CTF1: variants seen among roughly 807,000 people sequenced by gnomAD.
CTF1 encodes cardiotrophin 1, also known as cardiotrophin-1.
In CTF1, 9 loss-of-function variants were observed where a neutral mutation model predicts 10.9. That is an observed-to-expected ratio of 0.83 (90% CI 0.50 to 1.44). CTF1 has a LOEUF of 1.44. Ranked by LOEUF, CTF1 falls within the 40% of genes most tolerant of loss-of-function variation. The pLI, the probability that CTF1 is intolerant of heterozygous loss-of-function variation, is 0.00. For missense variants in CTF1, 259 were observed against 275.3 expected (o/e 0.94, Z 0.42); for synonymous variants, 133 against 138.8 (o/e 0.96, Z 0.29).
At chr16:30,901,038 C>T (rs2055396724) in intron 2 of CTF1, among the ~76,000 whole-genome samples, 1 of 152,002 alleles carries the variant, frequency 6.6e-6, no homozygotes, top group Admixed American at 6.6e-5. Flanking sequence ...GGATTACAGT[C>T]ACCACCACCA....
chr16:30,899,646 G>T, intron 2 of CTF1, 113 bp downstream of exon 2: 1 of 691,170 alleles, frequency 1.4e-6, no homozygotes, highest in East Asian at 2.7e-5. Context: ...GGAAATCAGG[G>T]CTCCTGAGAG....
In CTF1 at chr16:30,902,575, G is replaced by C. The variant is rs1407024660; in HGVS notation, c.*36G>C. The C allele has an allele frequency of 6.7e-7, 1 of 1,487,220 alleles. No homozygotes were observed. Among genetic ancestry groups the C allele is most frequent in the East Asian group, 2.8e-5 (1 of 36,100 alleles). 92.1% of individuals were successfully genotyped at this position (1,487,220 alleles called of 1,614,324 possible). ...GCAGCTCGCCCCGCCTCCTCCCGCTGGGTTCCGTCTCTCCTTCCGCTTCTT... is the reference window on the plus strand; with the variant it reads ...GCAGCTCGCCCCGCCTCCTCCCGCTCGGTTCCGTCTCTCCTTCCGCTTCTT... On this transcript the variant is annotated 3_prime_UTR_variant, in exon 3 of 3. Transcript: ENST00000279804.
At position 30,902,430 on chromosome 16, in the gene CTF1, G is replaced by A; in HGVS notation, c.497G>A (p.Gly166Glu). ...AATASAASAT[G>E]VFPAKVLGLR... ...ACCGCCTCAGCCGCCTCCGCCACCGGGGTCTTCCCCGCCAAGGTGCTGGGG... is the reference window on the plus strand; with the variant it reads ...ACCGCCTCAGCCGCCTCCGCCACCGAGGTCTTCCCCGCCAAGGTGCTGGGG... Residue 166 changes from glycine to glutamate, a missense_variant, in exon 3 of 3, where the codon GGG becomes GAG. Coordinates refer to ENST00000279804, the MANE Select transcript of CTF1 (RefSeq NM_001330.5). 1.4e-6 allele frequency: 2 copies of A among 1,408,420 alleles called. No individual in the cohort carries two copies. Among genetic ancestry groups the A allele is most frequent in the South Asian group, 1.4e-5 (1 of 69,988 alleles). 87.2% of individuals were successfully genotyped at this position (1,408,420 alleles called of 1,614,324 possible).
rs886051923 is a variant in CTF1, at chr16:30,902,161, G to A, written c.228G>A (p.Pro76=). 1.3e-5 allele frequency: 17 copies of A among 1,314,156 alleles called. No individual in the cohort carries two copies. Among genetic ancestry groups the A allele is most frequent in the Middle Eastern group, 2.9e-4 (1 of 3,470 alleles). 81.4% of individuals were successfully genotyped at this position (1,314,156 alleles called of 1,614,324 possible). The change falls in exon 3 of 3, where the codon CCG becomes CCA. Residue 76 remains proline (P), a synonymous_variant. Coordinates refer to ENST00000279804, the MANE Select transcript of CTF1 (RefSeq NM_001330.5). ...TGGCCGGCCTGAGCGCCCCGGCTCCGAGCCACGCGGGGCTGCCAGTGCACG... is the reference window on the plus strand; with the variant it reads ...TGGCCGGCCTGAGCGCCCCGGCTCCAAGCCACGCGGGGCTGCCAGTGCACG... ...LPVAGLSAPA[P]SHAGLPVHER...
chr16:30,897,723 C>T (rs1329469563), intron 1 of CTF1, among the ~76,000 whole-genome samples: 10 of 152,076 alleles, frequency 6.6e-5, no homozygotes, highest in South Asian at 2.1e-4. Flanking sequence ...GGCATGGTGG[C>T]GCATGCCTGT....
intron 1 of CTF1, among the ~76,000 whole-genome samples, chr16:30,897,152 G>T (rs2055359902): frequency 6.6e-6 from 1 of 152,154 alleles, no homozygotes; most frequent in African/African-American, 2.4e-5. Context: ...ACCGGGTCAG[G>T]ACTACATTCC....
At position 30,902,694 on chromosome 16, in the gene CTF1, G is replaced by C; in HGVS notation, c.*155G>C. 1 of 1,165,700 alleles carries C rather than the reference G, an allele frequency of 8.6e-7. No individual in the cohort carries two copies. The allele number at this position is 1,165,700 out of a possible 1,614,324, so 72.2% of individuals were successfully genotyped here. A position where few individuals can be genotyped will look rare whatever the true frequency, so the allele number is the denominator to read the frequency against. Reference sequence around the variant, plus strand: ...TGCTTTTTGTGGGGGAGAGGGGAGGGGACGGGCAGGGTCTCTGTCGCCCAG... The same window carrying C: ...TGCTTTTTGTGGGGGAGAGGGGAGGCGACGGGCAGGGTCTCTGTCGCCCAG... On this transcript the variant is annotated 3_prime_UTR_variant, in exon 3 of 3. Coordinates refer to ENST00000279804, the MANE Select transcript of CTF1 (RefSeq NM_001330.5).
chr16:30,898,683 G>T (rs1392982884), intron 1 of CTF1, among the ~76,000 whole-genome samples: 2 of 151,514 alleles, frequency 1.3e-5, no homozygotes, highest in African/African-American at 4.9e-5. Flanking sequence ...TTAGAGATAG[G>T]GTCTTACTCT....
intron 1 of CTF1, among the ~76,000 whole-genome samples, chr16:30,898,143 G>A (rs1234762596): frequency 6.6e-6 from 1 of 150,934 alleles, no homozygotes; most frequent in Admixed American, 6.6e-5. Flanking sequence ...TTACAGGCGT[G>A]AGCCACTGCG....
intron 2 of CTF1, 35 bp downstream of exon 2, chr16:30,899,568 T>TG: frequency 1.9e-6 from 1 of 528,984 alleles, no homozygotes; most frequent in African/African-American, 2.2e-5. Flanking sequence ...GCCGGGGGCC[T>TG]GGGGAATGGG....
intron 2 of CTF1, 39 bp downstream of exon 2, chr16:30,899,572 G>A: frequency 3.6e-6 from 3 of 832,162 alleles, no homozygotes; most frequent in Non-Finnish European, 4.0e-6. Context: ...GGGGCCTGGG[G>A]AATGGGAGCA....
At chr16:30,901,469 T>C (rs1440304184) in intron 2 of CTF1, among the ~76,000 whole-genome samples, 1 of 152,172 alleles carries the variant, frequency 6.6e-6, no homozygotes, top group Non-Finnish European at 1.5e-5. Flanking sequence ...AAGGTAACTT[T>C]AATAAAAGAG....
chr16:30,899,596 T>C, intron 2 of CTF1, 63 bp downstream of exon 2: 1 of 961,260 alleles, frequency 1.0e-6, no homozygotes, highest in South Asian at 1.5e-5. Context: ...ATCACAGAGG[T>C]CCTCGATCAC....
At position 30,900,458 on chromosome 16, in the gene CTF1, A is replaced by G. The variant is rs531929881; in HGVS notation, c.144+925A>G. The stretch of plus-strand genomic sequence containing the variant: ...TTATGGCAGCGGATAGTGGGAGAAT[A>G]GTGGCATAATAGAACTAGCTTTGGG... On this transcript the variant is annotated intron_variant, in intron 2 of 2. Transcript: ENST00000279804. Among the ~76,000 whole-genome samples, 7 of 152,316 alleles carry G rather than the reference A, an allele frequency of 4.6e-5. No homozygotes were observed. In the East Asian group the frequency reaches 1.3e-3, roughly 29 times the overall value.
In CTF1 at chr16:30,902,227, C is replaced by T. The variant is rs2055407871; in HGVS notation, c.294C>T (p.Pro98=). 8.8e-5 allele frequency: 101 copies of T among 1,144,146 alleles called. No homozygotes were observed. Among genetic ancestry groups the T allele is most frequent in the Non-Finnish European group, 1.1e-4 (99 of 934,428 alleles). 70.9% of individuals were successfully genotyped at this position (1,144,146 alleles called of 1,614,324 possible). The stretch of plus-strand genomic sequence containing the variant: ...ACGCGGCGGCGCTGGCCGCGCTGCC[C>T]CCGCTGCTGGACGCAGTGTGTCGCC... The part of the protein sequence containing the change: ...RLDAAALAAL[P]PLLDAVCRRQ... The change falls in exon 3 of 3, where the codon CCC becomes CCT. Residue 98 remains proline, a synonymous_variant. Coordinates refer to ENST00000279804, the MANE Select transcript of CTF1 (RefSeq NM_001330.5).
At chr16:30,901,728 G>A (rs891266146) in intron 2 of CTF1, among the ~76,000 whole-genome samples, 3 of 144,616 alleles carry the variant, frequency 2.1e-5, no homozygotes, top group African/African-American at 7.6e-5. Context: ...ACAGACATGC[G>A]CCACCACACT....
chr16:30,899,426 A>T lies in CTF1; in HGVS notation c.37A>T (p.Thr13Ser). 1 of 1,612,036 alleles carries T rather than the reference A, an allele frequency of 6.2e-7. No homozygotes were observed. The highest frequency in any genetic ancestry group is 8.5e-7 in the Non-Finnish European group (1 of 1,178,188). ...RREGSLEDPQ[T>S]DSSVSLLPHL... ...CCCTTTCCCACCAGAAGACCCCCAG[A>T]CTGATTCCTCAGTCTCACTTCTTCC... Residue 13 changes from threonine to serine, a missense_variant, in exon 2 of 3, where the codon ACT becomes TCT. Thr to Ser is a moderately conservative substitution (Grantham distance 58). Coordinates refer to ENST00000279804, the MANE Select transcript of CTF1 (RefSeq NM_001330.5).
chr16:30,902,313 G>C lies in CTF1; in HGVS notation c.380G>C (p.Arg127Pro). ...CTGCGCCGCCTGGAGGACGCGGCGCGCCAGGCCCGGGCCCTGGGCGCCGCC... is the reference window on the plus strand; with the variant it reads ...CTGCGCCGCCTGGAGGACGCGGCGCCCCAGGCCCGGGCCCTGGGCGCCGCC... ...RLLRRLEDAA[R>P]QARALGAAVE... The change falls in exon 3 of 3, where the codon CGC (arginine) becomes CCC (proline). Residue 127 changes from arginine to proline, a missense_variant. Physicochemically the swap from Arg to Pro is moderately radical, Grantham distance 103. Coordinates refer to ENST00000279804, the MANE Select transcript of CTF1 (RefSeq NM_001330.5). The C allele has an allele frequency of 9.9e-7, 1 of 1,006,678 alleles. No individual in the cohort carries two copies. The highest frequency in any genetic ancestry group is 1.2e-6 in the Non-Finnish European group (1 of 846,698). The allele number at this position is 1,006,678 out of a possible 1,614,324, so 62.4% of individuals were successfully genotyped here.
At chr16:30,897,716 A>G (rs2055366163) in intron 1 of CTF1, among the ~76,000 whole-genome samples, 1 of 152,012 alleles carries the variant, frequency 6.6e-6, no homozygotes, top group Admixed American at 6.5e-5. Context: ...TTAACCGGGC[A>G]TGGTGGCGCA....
Sources: gnomAD v4.1 joint callset for allele counts (sites outside exome capture counted in the v4.1 genomes callset) on GRCh38, gnomAD v4.1.1 for gene constraint, MANE v1.5 for transcripts, NCBI Gene and HGNC (gene_info 2026-07-23, HGNC 2026-07-21) for gene names.